PIK3R3: variants seen among roughly 807,000 people sequenced by gnomAD.
PIK3R3 encodes phosphatidylinositol 3-kinase regulatory subunit gamma.
A neutral mutation model predicts 62.9 loss-of-function variants in PIK3R3; 64 were observed. The ratio of observed to expected loss-of-function variants is 1.02; its 90% CI spans 0.83 to 1.25. PIK3R3 has a LOEUF of 1.25. PIK3R3 is among the 50% of genes most tolerant of loss of function. The probability of loss-of-function intolerance (pLI) is 0.00; values close to 1 mark genes in which losing one functional copy is unlikely to be tolerated. For missense variants in PIK3R3, 614 were observed against 561.6 expected, an observed-to-expected ratio of 1.09 and a Z score of -0.94; for synonymous variants, 165 against 189.0, an observed-to-expected ratio of 0.87 and a Z score of 1.04.
At chr1:46,118,789 C>G (rs1040395313) in intron 1 of PIK3R3, among the ~76,000 whole-genome samples, 2 of 152,052 alleles carry the variant, frequency 1.3e-5, no homozygotes, top group Non-Finnish European at 2.9e-5. Flanking sequence ...CTCCTGACCT[C>G]AGGTGATCTG....
the PIK3R3 span, among the ~76,000 whole-genome samples, chr1:46,165,995 C>T: frequency 1.3e-5 from 2 of 150,266 alleles, no homozygotes; most frequent in Admixed American, 1.3e-4. Flanking sequence ...AGGATGGTCT[C>T]GATCTCCTGA....
the PIK3R3 span, among the ~76,000 whole-genome samples, chr1:46,164,416 GCATTACC>G: frequency 4.2e-3 from 635 of 152,172 alleles, 1 homozygote; most frequent in Admixed American, 7.5e-3. Flanking sequence ...CTCCCCTGAG[GCATTACC>G]ACAGCCTCCT....
chr1:46,058,940 G>A (rs1648205557), intron 6 of PIK3R3, among the ~76,000 whole-genome samples: 1 of 152,174 alleles, frequency 6.6e-6, no homozygotes, highest in African/African-American at 2.4e-5. Context: ...AATATGGTTT[G>A]GCTGTGTCCC....
intron 1 of PIK3R3, among the ~76,000 whole-genome samples, chr1:46,130,225 A>G (rs1259384569): frequency 1.3e-5 from 2 of 152,226 alleles, no homozygotes; most frequent in Admixed American, 1.3e-4. Flanking sequence ...GGCAGTTTGA[A>G]TATATAATTC....
At chr1:46,071,040 A>G (rs1224896406) in intron 3 of PIK3R3, among the ~76,000 whole-genome samples, 1 of 152,178 alleles carries the variant, frequency 6.6e-6, no homozygotes, top group African/African-American at 2.4e-5. Flanking sequence ...CCTCTCATTT[A>G]AGAGTCACCA....
At chr1:46,070,020 G>C (rs1354682606) in intron 3 of PIK3R3, among the ~76,000 whole-genome samples, 1 of 152,172 alleles carries the variant, frequency 6.6e-6, no homozygotes, top group Non-Finnish European at 1.5e-5. Flanking sequence ...TCAAGAAAAT[G>C]AAAGAAGATA....
the PIK3R3 span, among the ~76,000 whole-genome samples, chr1:46,147,834 A>T: frequency 6.6e-6 from 1 of 152,134 alleles, no homozygotes; most frequent in Non-Finnish European, 1.5e-5. Flanking sequence ...TGCCTTCCAA[A>T]CATCCATGTG....
the PIK3R3 span, among the ~76,000 whole-genome samples, chr1:46,158,991 G>A: frequency 6.6e-6 from 1 of 152,102 alleles, no homozygotes; most frequent in Non-Finnish European, 1.5e-5. Context: ...GGAGGCTGAG[G>A]CAGGAGAATT....
chr1:46,104,127 T>A (rs1304099019), intron 1 of PIK3R3, among the ~76,000 whole-genome samples: 1 of 150,768 alleles, frequency 6.6e-6, no homozygotes, highest in Non-Finnish European at 1.5e-5. Context: ...AGAGTTTCAC[T>A]ATGTTGGCCA....
chr1:46,087,453 T>C (rs1054302539), intron 1 of PIK3R3, among the ~76,000 whole-genome samples: 3 of 152,074 alleles, frequency 2.0e-5, no homozygotes, highest in Admixed American at 1.3e-4. Flanking sequence ...TATCCCTTTC[T>C]GGTTACCTAA....
intron 3 of PIK3R3, among the ~76,000 whole-genome samples, chr1:46,075,645 T>C (rs967916540): frequency 6.6e-6 from 1 of 151,824 alleles, no homozygotes; most frequent in Non-Finnish European, 1.5e-5. Context: ...ATTACCTTCC[T>C]CTAGAATCAT....
rs910635453 is a variant in PIK3R3, at chr1:46,042,299, G to A, written c.*1374C>T. ...AAAATCAAGGCCACTGGAGCAGGAG[G>A]GCAGACTGCACATAGCCTTAATGGC... is the stretch of plus-strand genomic sequence containing the variant. On this transcript the variant is annotated 3_prime_UTR_variant, in exon 10 of 10. Coordinates refer to ENST00000262741, the MANE Select transcript of PIK3R3 (RefSeq NM_003629.4). The surrounding 1 kb of genome is among the most constrained non-coding windows in gnomAD (Gnocchi z 4.3). 9 of 229,488 alleles carry A rather than the reference G, an allele frequency of 3.9e-5. No homozygotes were observed. The Admixed American group carries it at 5.1e-4, about 13-fold the overall frequency. 14.2% of individuals were successfully genotyped at this position (229,488 alleles called of 1,614,324 possible).
At position 46,102,466 on chromosome 1, in the gene PIK3R3, T is replaced by TTTTA. The variant is rs1313574897; in HGVS notation, c.107-21717_107-21716insTAAA. 6.6e-5 allele frequency among the ~76,000 whole-genome samples: 10 copies of TTTTA among 152,318 alleles called. No individual in the cohort carries two copies. The East Asian group carries it at 1.9e-3, about 29-fold the overall frequency. ...ATTATCTTTAGCTTTTTATACAGTA[T>TTTTA]TTATCTTAGAATAACCCATTAAATA... On this transcript the variant is annotated intron_variant, in intron 1 of 9. Transcript: ENST00000262741.
At chr1:46,106,690 T>C (rs1653239556) in intron 1 of PIK3R3, among the ~76,000 whole-genome samples, 1 of 152,200 alleles carries the variant, frequency 6.6e-6, no homozygotes, top group Non-Finnish European at 1.5e-5. Flanking sequence ...ATTTCTTCCA[T>C]TCCTTCCAAA....
intron 1 of PIK3R3, among the ~76,000 whole-genome samples, chr1:46,092,265 A>G (rs545474978): frequency 6.6e-6 from 1 of 152,354 alleles, no homozygotes; most frequent in South Asian, 2.1e-4. Context: ...CTGGGCAACT[A>G]TGTTTTTTTA....
chr1:46,172,547 A>G, the PIK3R3 span, among the ~76,000 whole-genome samples: 1 of 152,112 alleles, frequency 6.6e-6, no homozygotes, highest in Non-Finnish European at 1.5e-5. Context: ...TTAATTATCT[A>G]GGCGTGGTGG....
At chr1:46,107,836 T>C (rs1357173516) in intron 1 of PIK3R3, among the ~76,000 whole-genome samples, 1 of 152,232 alleles carries the variant, frequency 6.6e-6, no homozygotes, top group Non-Finnish European at 1.5e-5. Context: ...TGTGCTTTTT[T>C]AACTAAAAAT....
At chr1:46,057,352 A>G (rs924412701) in intron 6 of PIK3R3, 1 of 152,316 alleles carries the variant, frequency 6.6e-6, no homozygotes, top group African/African-American at 2.4e-5. Context: ...CAGCAGCATG[A>G]AAACGGACTA....
At chr1:46,118,472 G>A (rs753033696) in intron 1 of PIK3R3, among the ~76,000 whole-genome samples, 1 of 151,560 alleles carries the variant, frequency 6.6e-6, no homozygotes, top group Non-Finnish European at 1.5e-5. Flanking sequence ...CATCTTATAC[G>A]AGTTTTAAAA....
Sources: allele counts gnomAD v4.1 joint callset (sites outside exome capture counted in the v4.1 genomes callset), GRCh38; gene constraint gnomAD v4.1.1; non-coding constraint Gnocchi (gnomAD v3.1); transcripts MANE v1.5; gene names NCBI Gene and HGNC (gene_info 2026-07-23, HGNC 2026-07-21).